GPC5: variants seen among roughly 807,000 people sequenced by gnomAD.
GPC5 encodes glypican-5.
GPC5 carries 47 observed loss-of-function variants against 53.9 expected under a neutral mutation model. That is an observed-to-expected ratio of 0.87 (90% CI 0.69 to 1.11). The LOEUF (loss-of-function observed/expected upper bound fraction) is 1.11, where lower values mean the gene tolerates loss of function less well. Ranked by LOEUF, GPC5 falls within the 50% of genes most tolerant of loss-of-function variation. The pLI is 0.00. For synonymous variants in GPC5, 286 were observed against 263.3 expected, an observed-to-expected ratio of 1.09 and a Z score of -0.84; for missense variants, 748 against 713.1, an observed-to-expected ratio of 1.05 and a Z score of -0.56.
chr13:92,132,441 G>GTTTCCTCCAGTT (rs2041751968), intron 6 of GPC5, among the ~76,000 whole-genome samples: 1 of 152,142 alleles, frequency 6.6e-6, no homozygotes, highest in Admixed American at 6.6e-5. Context: ...ACAAGATGTA[G>GTTTCCTCCAGTT]TCAAGGTAGT....
chr13:91,806,324 C>T (rs1167355122), intron 5 of GPC5, among the ~76,000 whole-genome samples: 4 of 151,824 alleles, frequency 2.6e-5, no homozygotes, highest in Admixed American at 6.6e-5. Context: ...CATGAGCCAC[C>T]GCACCTGGCC....
chr13:92,654,714 T>C (rs1886068636), intron 7 of GPC5, among the ~76,000 whole-genome samples: 1 of 151,450 alleles, frequency 6.6e-6, no homozygotes, highest in Non-Finnish European at 1.5e-5. Context: ...AGTTTTGTAA[T>C]TTTATTTTTA....
intron 7 of GPC5, among the ~76,000 whole-genome samples, chr13:92,479,065 G>T (rs1349026234): frequency 6.6e-6 from 1 of 152,148 alleles, no homozygotes; most frequent in Non-Finnish European, 1.5e-5. Context: ...ATTATGTGGA[G>T]ATGTCAAGTC....
chr13:91,840,976 G>GA lies in GPC5; in HGVS notation c.1281-66955dup, dbSNP rs1184869036. Among the ~76,000 whole-genome samples, 12 of 151,080 alleles carry GA rather than the reference G, an allele frequency of 7.9e-5. No homozygotes were observed. In the East Asian group the frequency reaches 1.2e-3, roughly 15 times the overall value. The stretch of plus-strand genomic sequence containing the variant: ...ACTGTGGATATATCCCTGAGAACCA[G>GA]AAAAAATGAAATAATAATACTTTGA... On this transcript the variant is annotated intron_variant, in intron 5 of 7. Transcript: ENST00000377067.
At chr13:91,446,480 G>T (rs1018612884) in intron 1 of GPC5, among the ~76,000 whole-genome samples, 35 of 152,248 alleles carry the variant, frequency 2.3e-4, no homozygotes, top group Non-Finnish European at 4.0e-4. Flanking sequence ...TACTCTTGCT[G>T]TCTCATAGAA....
Position 92,539,099 on chromosome 13 carries a change from A to T in GPC5, c.1562-327183A>T, listed in dbSNP as rs190329114. 4.9e-3 allele frequency among the ~76,000 whole-genome samples: 730 copies of T among 148,866 alleles called. 12 individuals are homozygous for T. The highest frequency in any genetic ancestry group is 6.3e-3 in the Non-Finnish European group (424 of 67,404). On this transcript the variant is annotated intron_variant, in intron 7 of 7. Coordinates refer to ENST00000377067, the MANE Select transcript of GPC5 (RefSeq NM_004466.6). The stretch of plus-strand genomic sequence containing the variant: ...AATCCTTTGGGTATATAGTAGAATG[A>T]TTTATAATCCTTTGGGTATATAGTA...
At chr13:91,830,687 C>A (rs1317372056) in intron 5 of GPC5, among the ~76,000 whole-genome samples, 1 of 148,390 alleles carries the variant, frequency 6.7e-6, no homozygotes, top group African/African-American at 2.5e-5. Flanking sequence ...CCCTGACTTC[C>A]CACAACATAG....
chr13:91,784,866 T>G (rs953570344), intron 5 of GPC5, among the ~76,000 whole-genome samples: 4 of 152,150 alleles, frequency 2.6e-5, no homozygotes, highest in African/African-American at 9.7e-5. Flanking sequence ...GTATCATATG[T>G]TGCCAAACAT....
intron 7 of GPC5, among the ~76,000 whole-genome samples, chr13:92,703,785 A>AGTG (rs1887846985): frequency 6.6e-6 from 1 of 151,872 alleles, no homozygotes; most frequent in African/African-American, 2.4e-5. Flanking sequence ...TTAATTAACT[A>AGTG]GTGTTCTGTT....
At chr13:92,414,128 A>G (rs962743827) in intron 7 of GPC5, among the ~76,000 whole-genome samples, 1 of 152,226 alleles carries the variant, frequency 6.6e-6, no homozygotes, top group Non-Finnish European at 1.5e-5. Context: ...GCAGTAATAC[A>G]GACCATCATG....
intron 7 of GPC5, among the ~76,000 whole-genome samples, chr13:92,351,987 A>G (rs2043482036): frequency 6.6e-6 from 1 of 152,208 alleles, no homozygotes; most frequent in East Asian, 1.9e-4. Flanking sequence ...GTGGAAGAGT[A>G]AAGAACAAAG....
intron 7 of GPC5, among the ~76,000 whole-genome samples, chr13:92,244,074 A>G (rs1044494028): frequency 1.3e-5 from 2 of 152,182 alleles, no homozygotes; most frequent in Non-Finnish European, 2.9e-5. Flanking sequence ...TGGACAGGGA[A>G]GTGTGTCATG....
chr13:92,195,581 C>T (rs921036350), intron 7 of GPC5, among the ~76,000 whole-genome samples: 14 of 152,010 alleles, frequency 9.2e-5, no homozygotes, highest in Admixed American at 4.6e-4. Flanking sequence ...ACTGACACCA[C>T]GTATGTAAAT....
intron 5 of GPC5, among the ~76,000 whole-genome samples, chr13:91,785,648 C>T (rs1238556661): frequency 6.6e-6 from 1 of 152,184 alleles, no homozygotes. Flanking sequence ...CCTCCTAAAC[C>T]CTTGATCTTA....
intron 7 of GPC5, among the ~76,000 whole-genome samples, chr13:92,857,976 A>C (rs1163164586): frequency 6.6e-6 from 1 of 152,220 alleles, no homozygotes; most frequent in Non-Finnish European, 1.5e-5. Context: ...GTATATACCC[A>C]AAGGAAAAGA....
chr13:92,099,697 C>T (rs1411912300), intron 6 of GPC5, among the ~76,000 whole-genome samples: 1 of 152,170 alleles, frequency 6.6e-6, no homozygotes, highest in Admixed American at 6.5e-5. Context: ...AATTAAGCTG[C>T]TTTTCCCTTG....
intron 7 of GPC5, among the ~76,000 whole-genome samples, chr13:92,460,997 G>T (rs549547854): frequency 8.5e-5 from 13 of 152,228 alleles, no homozygotes; most frequent in African/African-American, 2.9e-4. Context: ...ATGTTACATG[G>T]AAAGAAACAT....
At chr13:91,659,390 A>G (rs1485643688) in intron 2 of GPC5, among the ~76,000 whole-genome samples, 2 of 152,132 alleles carry the variant, frequency 1.3e-5, no homozygotes, top group African/African-American at 2.4e-5. Context: ...TGGGCCCTGT[A>G]TGTTAGTTCT....
intron 7 of GPC5, among the ~76,000 whole-genome samples, chr13:92,383,358 C>A (rs978045367): frequency 6.6e-6 from 1 of 152,064 alleles, no homozygotes; most frequent in Non-Finnish European, 1.5e-5. Flanking sequence ...AATAATATAG[C>A]CTTTCAAAAT....
Sources: gnomAD v4.1 joint callset for allele counts (sites outside exome capture counted in the v4.1 genomes callset) on GRCh38, gnomAD v4.1.1 for gene constraint, MANE v1.5 for transcripts, NCBI Gene and HGNC (gene_info 2026-07-23, HGNC 2026-07-21) for gene names.